Variants in CCDC178 observed in about 807,000 individuals in gnomAD.
CCDC178 encodes the protein coiled-coil domain containing 178, also known as coiled-coil domain-containing protein 178.
A neutral mutation model predicts 117.4 loss-of-function variants in CCDC178; 126 were observed. That is an observed-to-expected ratio of 1.07 (90% CI 0.93 to 1.24). CCDC178 has a LOEUF of 1.24. CCDC178 is among the 50% of genes most tolerant of loss of function. The pLI is 0.00. For missense variants in CCDC178, 1,030 were observed against 986.9 expected, an observed-to-expected ratio of 1.04 and a Z score of -0.59; for synonymous variants, 283 against 313.4, an observed-to-expected ratio of 0.90 and a Z score of 1.02.
intron 20 of CCDC178, among the ~76,000 whole-genome samples, chr18:33,171,077 G>T (rs2144423400): frequency 6.6e-6 from 1 of 152,152 alleles, no homozygotes; most frequent in East Asian, 1.9e-4. Flanking sequence ...ACTCCATCCT[G>T]AGACAGGATT....
chr18:33,399,761 G>A (rs1343057135), intron 3 of CCDC178, among the ~76,000 whole-genome samples: 1 of 152,088 alleles, frequency 6.6e-6, no homozygotes, highest in East Asian at 1.9e-4. Flanking sequence ...AGTCATCCAG[G>A]AGACTTGGAA....
chr18:33,091,324 CTTTTTTTTTTTTTTTTTTTT>C (rs746505005), intron 21 of CCDC178, among the ~76,000 whole-genome samples: 2 of 43,882 alleles, frequency 4.6e-5, no homozygotes, highest in African/African-American at 1.6e-4. Context: ...TTATTTCATT[CTTTTTTTTTTTTTTTTTTTT>C]TTTTTTTTTT....
intron 6 of CCDC178, among the ~76,000 whole-genome samples, chr18:33,365,391 C>T (rs1032130363): frequency 1.3e-5 from 2 of 152,034 alleles, no homozygotes; most frequent in Non-Finnish European, 2.9e-5. Context: ...AGTGCTGAAC[C>T]GGATGTGCTT....
chr18:33,267,266 A>T lies in CCDC178; in HGVS notation c.1208T>A (p.Leu403Gln). Residue 403 changes from leucine to glutamine, a missense_variant, in exon 13 of 23, where the codon CTA (leucine) becomes CAA (glutamine). By Grantham distance (113) the Leu-to-Gln change is moderately radical. Transcript: ENST00000383096. Reference protein sequence around the residue: ...LEDLRRVYDQLTWKQKSHENQ... With the variant: ...LEDLRRVYDQQTWKQKSHENQ... Reference sequence around the variant, plus strand: ...TTCATGACTTTTTTGCTTCCAGGTTAGTTGGTCATAAACTCTTCTCAAATC... The same window carrying T: ...TTCATGACTTTTTTGCTTCCAGGTTTGTTGGTCATAAACTCTTCTCAAATC... 3 of 1,605,952 alleles carry T rather than the reference A, an allele frequency of 1.9e-6. No homozygotes were observed.
intron 19 of CCDC178, among the ~76,000 whole-genome samples, chr18:33,213,514 A>AC (rs2059130706): frequency 6.6e-6 from 1 of 151,960 alleles, no homozygotes; most frequent in Non-Finnish European, 1.5e-5. Context: ...AGCTAGTGTG[A>AC]CCAAAACGAT....
chr18:33,010,830 C>G (rs545852882), intron 21 of CCDC178, among the ~76,000 whole-genome samples: 1 of 152,224 alleles, frequency 6.6e-6, no homozygotes, highest in South Asian at 2.1e-4. Context: ...GAACAGAAAT[C>G]CACAAGAGCA....
intron 21 of CCDC178, among the ~76,000 whole-genome samples, chr18:33,062,593 C>CTATA (rs2056942263): frequency 6.6e-6 from 1 of 152,164 alleles, no homozygotes; most frequent in Non-Finnish European, 1.5e-5. Flanking sequence ...CCCCAGCAGT[C>CTATA]TATAGTTTCA....
intron 22 of CCDC178, among the ~76,000 whole-genome samples, chr18:32,951,094 G>A (rs1411150895): frequency 6.6e-6 from 1 of 152,090 alleles, no homozygotes. Context: ...ATTTTGCCAG[G>A]AGCAATTGTT....
chr18:33,048,007 A>C (rs1396982093), intron 21 of CCDC178, among the ~76,000 whole-genome samples: 3 of 152,210 alleles, frequency 2.0e-5, no homozygotes, highest in Non-Finnish European at 4.4e-5. Flanking sequence ...CCTCCGACTT[A>C]GTTTAGAAAT....
intron 6 of CCDC178, among the ~76,000 whole-genome samples, chr18:33,365,184 C>A (rs1264614918): frequency 6.6e-6 from 1 of 151,946 alleles, no homozygotes; most frequent in Non-Finnish European, 1.5e-5. Flanking sequence ...TACAATAGAA[C>A]TAATAGAATG....
chr18:33,161,205 T>A (rs775028064), intron 20 of CCDC178, among the ~76,000 whole-genome samples: 2 of 152,100 alleles, frequency 1.3e-5, no homozygotes, highest in Non-Finnish European at 2.9e-5. Flanking sequence ...TCTATAGACC[T>A]TGGAAAATCA....
intron 11 of CCDC178, among the ~76,000 whole-genome samples, chr18:33,302,710 C>CA (rs2062192993): frequency 6.6e-6 from 1 of 152,204 alleles, no homozygotes; most frequent in African/African-American, 2.4e-5. Flanking sequence ...TTCACAGCAA[C>CA]ATGGGTGGAA....
intron 21 of CCDC178, among the ~76,000 whole-genome samples, chr18:33,066,259 G>T (rs1186359786): frequency 2.0e-5 from 3 of 151,820 alleles, no homozygotes; most frequent in Non-Finnish European, 4.4e-5. Flanking sequence ...ATTCTAAAGG[G>T]AATCCTACAT....
intron 20 of CCDC178, among the ~76,000 whole-genome samples, chr18:33,107,581 C>CT (rs1308828923): frequency 6.6e-6 from 1 of 151,686 alleles, no homozygotes; most frequent in Non-Finnish European, 1.5e-5. Context: ...TATGGATTAT[C>CT]TTTGTGCAAC....
chr18:33,403,773 AATTG>A (rs1030429804), intron 3 of CCDC178, among the ~76,000 whole-genome samples: 6 of 152,246 alleles, frequency 3.9e-5, no homozygotes, highest in Non-Finnish European at 7.4e-5. Context: ...TGTAAGATCT[AATTG>A]ATTAACTATT....
chr18:33,236,458 A>G (rs1048387724), intron 15 of CCDC178, among the ~76,000 whole-genome samples: 18 of 152,224 alleles, frequency 1.2e-4, no homozygotes, highest in Admixed American at 1.2e-3. Flanking sequence ...ATTCAGGCTC[A>G]GAAATTAGCA....
At chr18:32,963,542 T>C (rs980385685) in intron 22 of CCDC178, among the ~76,000 whole-genome samples, 2 of 152,096 alleles carry the variant, frequency 1.3e-5, no homozygotes, top group African/African-American at 4.8e-5. Context: ...TATGCTCTAC[T>C]AATATAAAAT....
intron 21 of CCDC178, among the ~76,000 whole-genome samples, chr18:32,991,469 T>C (rs751023786): frequency 5.9e-4 from 90 of 152,306 alleles, no homozygotes; most frequent in Non-Finnish European, 9.4e-4. Context: ...AAAAAGTCTG[T>C]GGAGGCGCAG....
At chr18:33,374,815 A>G (rs913063730) in intron 5 of CCDC178, among the ~76,000 whole-genome samples, 2 of 152,234 alleles carry the variant, frequency 1.3e-5, no homozygotes, top group African/African-American at 4.8e-5. Context: ...CTGATATATG[A>G]AACAGCATGG....
Sources: allele counts gnomAD v4.1 joint callset (sites outside exome capture counted in the v4.1 genomes callset), GRCh38; gene constraint gnomAD v4.1.1; transcripts MANE v1.5; gene names NCBI Gene and HGNC (gene_info 2026-07-23, HGNC 2026-07-21).